DNAJB14: variants seen among roughly 807,000 people sequenced by gnomAD.
DNAJB14 encodes the protein dnaJ homolog subfamily B member 14.
Under a neutral mutation model 48.4 loss-of-function variants are expected in DNAJB14, and 22 were observed. The observed-to-expected ratio is 0.45, with a 90% confidence interval of 0.32 to 0.65. The LOEUF (loss-of-function observed/expected upper bound fraction) is 0.65, where lower values mean the gene tolerates loss of function less well. Ranked by LOEUF, DNAJB14 falls within the 30% of genes least tolerant of loss-of-function variation. The probability of loss-of-function intolerance (pLI) is 0.03; values close to 1 mark genes in which losing one functional copy is unlikely to be tolerated. For synonymous variants in DNAJB14, 142 were observed against 158.7 expected (o/e 0.89, Z 0.79); for missense variants, 319 against 458.8 (o/e 0.70, Z 2.78).
intron 3 of DNAJB14, chr4:99,910,310 A>G (rs571691921): frequency 1.3e-5 from 2 of 152,038 alleles, no homozygotes; most frequent in South Asian, 4.1e-4. Flanking sequence ...AGTTATTTCA[A>G]AGGGAAAGTA....
At chr4:99,908,982 A>G (rs572996567) in intron 3 of DNAJB14, 86 bp from the exon 4 acceptor site, 11 of 956,424 alleles carry the variant, frequency 1.2e-5, no homozygotes, top group East Asian at 2.8e-5. Context: ...TCATGCTGAA[A>G]AAAAGACTAC....
intron 3 of DNAJB14, among the ~76,000 whole-genome samples, chr4:99,921,106 C>T (rs1039049422): frequency 1.3e-5 from 2 of 152,174 alleles, no homozygotes; most frequent in African/African-American, 4.8e-5. Context: ...ACTCGCCAAG[C>T]GTGTGTGGAT....
At chr4:99,920,673 A>G (rs537127329) in intron 3 of DNAJB14, among the ~76,000 whole-genome samples, 3 of 152,322 alleles carry the variant, frequency 2.0e-5, no homozygotes, top group Non-Finnish European at 2.9e-5. Context: ...ATATAATCCT[A>G]ACTGGAAGGA....
intron 1 of DNAJB14, among the ~76,000 whole-genome samples, chr4:99,936,789 C>T (rs1472419641): frequency 1.3e-5 from 2 of 152,158 alleles, no homozygotes; most frequent in African/African-American, 2.4e-5. Context: ...ATGATAATGA[C>T]AGATTAAATC....
intron 2 of DNAJB14, chr4:99,925,702 T>C (rs1056848277): frequency 3.9e-5 from 6 of 152,064 alleles, no homozygotes; most frequent in Admixed American, 1.3e-4. Context: ...AAATTTACAA[T>C]TGGGAGAAAA....
At chr4:99,913,476 T>C (rs182398693) in intron 3 of DNAJB14, among the ~76,000 whole-genome samples, 14 of 152,262 alleles carry the variant, frequency 9.2e-5, no homozygotes, top group Non-Finnish European at 1.9e-4. Flanking sequence ...GGATTACACT[T>C]ATTGATCTTC....
intron 1 of DNAJB14, among the ~76,000 whole-genome samples, chr4:99,942,877 A>G (rs773847900): frequency 3.3e-5 from 5 of 152,158 alleles, no homozygotes; most frequent in Non-Finnish European, 7.4e-5. Flanking sequence ...CCAGACGAAC[A>G]TTCAGTCAAC....
intron 1 of DNAJB14, among the ~76,000 whole-genome samples, chr4:99,940,523 G>A (rs757118288): frequency 5.3e-5 from 8 of 152,112 alleles, no homozygotes; most frequent in Non-Finnish European, 8.8e-5. Flanking sequence ...CCCAGGAGGC[G>A]GAGGTTGCGG....
At chr4:99,901,176 G>T (rs1359724721) in intron 7 of DNAJB14, 24 bp from the exon 8 acceptor site, 2 of 1,562,054 alleles carry the variant, frequency 1.3e-6, no homozygotes, top group Non-Finnish European at 1.7e-6. Flanking sequence ...AAAATATTTT[G>T]CTAATTGAAT....
intron 4 of DNAJB14, among the ~76,000 whole-genome samples, chr4:99,907,004 G>A (rs7686428): frequency 0.45 from 68,119 of 151,918 alleles, 16,372 homozygotes; most frequent in African/African-American, 0.63. Flanking sequence ...AAAAGATAGT[G>A]TTCAAATTCA....
chr4:99,919,398 GA>G (rs1725971051), intron 3 of DNAJB14, among the ~76,000 whole-genome samples: 1 of 151,998 alleles, frequency 6.6e-6, no homozygotes, highest in East Asian at 1.9e-4. Flanking sequence ...GCCTGGCCAA[GA>G]TGGTGAAACC....
In DNAJB14 at chr4:99,899,967, T is replaced by C. The variant is rs1242663556; in HGVS notation, c.*1061A>G. 2 of 152,428 alleles carry C rather than the reference T, an allele frequency of 1.3e-5. No individual in the cohort carries two copies. Among genetic ancestry groups the C allele is most frequent in the African/African-American group, 4.8e-5 (2 of 41,436 alleles). The allele number at this position is 152,428 out of a possible 1,614,324, so 9.4% of individuals were successfully genotyped here. ...TGCTCTATTTCTGCTCACACTTGCA[T>C]GTGGCCAAACAGATCATGCTCTGAT... On this transcript the variant is annotated 3_prime_UTR_variant, in exon 8 of 8. Transcript: ENST00000442697.
chr4:99,911,512 T>A (rs546038145), intron 3 of DNAJB14, among the ~76,000 whole-genome samples: 10 of 151,944 alleles, frequency 6.6e-5, no homozygotes, highest in Non-Finnish European at 1.3e-4. Context: ...ATTAACAATG[T>A]ATGAGTGATC....
chr4:99,922,811 G>T, intron 3 of DNAJB14: 1 of 390,926 alleles, frequency 2.6e-6, no homozygotes, highest in Non-Finnish European at 4.6e-6. Flanking sequence ...GCCTAGAAAA[G>T]TTACTTGAGA....
chr4:99,905,380 A>C (rs1435505644), intron 6 of DNAJB14, among the ~76,000 whole-genome samples: 1 of 152,102 alleles, frequency 6.6e-6, no homozygotes, highest in Non-Finnish European at 1.5e-5. Context: ...TTCTGTCCTT[A>C]TCCACAGTGG....
At chr4:99,927,790 A>G (rs576705332) in intron 2 of DNAJB14, 2 of 152,222 alleles carry the variant, frequency 1.3e-5, no homozygotes, top group Non-Finnish European at 2.9e-5. Flanking sequence ...ACTTGTTTGC[A>G]TAATCGTGCT....
intron 3 of DNAJB14, among the ~76,000 whole-genome samples, chr4:99,918,195 A>T (rs1353607351): frequency 3.3e-5 from 5 of 152,162 alleles, no homozygotes; most frequent in Admixed American, 1.3e-4. Flanking sequence ...ATTGGAAAAC[A>T]TCTATTTTTC....
chr4:99,916,357 T>C (rs1239888450), intron 3 of DNAJB14, among the ~76,000 whole-genome samples: 1 of 152,134 alleles, frequency 6.6e-6, no homozygotes, highest in Non-Finnish European at 1.5e-5. Context: ...AGGTTGATCT[T>C]GAACCCATGG....
intron 5 of DNAJB14, chr4:99,905,981 C>G (rs1427162338): frequency 2.4e-6 from 3 of 1,272,192 alleles, no homozygotes; most frequent in African/African-American, 1.5e-5. Context: ...CCGACTCCCT[C>G]CCCCCCACAC....
Sources: gnomAD v4.1 joint callset for allele counts (sites outside exome capture counted in the v4.1 genomes callset) on GRCh38, gnomAD v4.1.1 for gene constraint, MANE v1.5 for transcripts, NCBI Gene and HGNC (gene_info 2026-07-23, HGNC 2026-07-21) for gene names.